ALDH1A3: variants seen among roughly 807,000 people sequenced by gnomAD.
ALDH1A3 encodes retinaldehyde dehydrogenase 3.
Under a neutral mutation model 57.5 loss-of-function variants are expected in ALDH1A3, and 28 were observed. The ratio of observed to expected loss-of-function variants is 0.49; its 90% CI spans 0.36 to 0.67. The LOEUF is 0.67. Among genes scored for constraint, ALDH1A3 ranks in the 30% least tolerant of loss-of-function variants. The pLI, the probability that ALDH1A3 is intolerant of heterozygous loss-of-function variation, is 0.00. For missense variants in ALDH1A3, 507 were observed against 669.4 expected (o/e 0.76, Z 2.68); for synonymous variants, 281 against 264.8 (o/e 1.06, Z -0.59).
chr15:100,892,323 C>G (rs1424693837), intron 3 of ALDH1A3, 187 bp from the exon 4 acceptor site: 4 of 727,386 alleles, frequency 5.5e-6, no homozygotes, highest in South Asian at 2.2e-5. Context: ...AAAAGCAATC[C>G]TCACACTCAG....
At position 100,907,192 on chromosome 15, in the gene ALDH1A3, C is replaced by T. The variant is rs775407053; in HGVS notation, c.1305C>T (p.Thr435=). ...AAGTGATAAAAAGAGCGAATAGCAC[C>T]GACTATGGACTCACAGCAGCCGTGT... ...IEEVIKRANS[T]DYGLTAAVFT... is the part of the protein sequence containing the mutation. The change falls in exon 11 of 13, where the codon ACC becomes ACT. Residue 435 remains threonine (T), a synonymous_variant. Coordinates refer to ENST00000329841, the MANE Select transcript of ALDH1A3 (RefSeq NM_000693.4). The T allele has an allele frequency of 5.6e-6, 9 of 1,614,046 alleles. No individual in the cohort carries two copies. The highest frequency in any genetic ancestry group is 2.2e-5 in the East Asian group (1 of 44,886).
chr15:100,905,400 T>A, intron 9 of ALDH1A3, 123 bp from the exon 10 acceptor site: 1 of 1,247,766 alleles, frequency 8.0e-7, no homozygotes, highest in Non-Finnish European at 1.1e-6. Flanking sequence ...GTTACATGGA[T>A]CATGGCTTGA....
In ALDH1A3 at chr15:100,900,666, G is replaced by A; in HGVS notation, c.975G>A (p.Gln325=). ...TAASRVFVEE[Q]VYSEFVRRSV... ...CCTCCAGGGTGTTCGTGGAGGAGCA[G>A]GTCTACTCTGAGTTTGTCAGGCGGA... Residue 325 remains glutamine (Q), a synonymous_variant, in exon 9 of 13, where the codon CAG becomes CAA. Transcript: ENST00000329841. The A allele has an allele frequency of 6.2e-7, 1 of 1,614,106 alleles. No individual in the cohort carries two copies. The highest frequency in any genetic ancestry group is 8.5e-7 in the Non-Finnish European group (1 of 1,180,014).
Position 100,914,840 on chromosome 15 carries a change from A to G in ALDH1A3, c.*67A>G, listed in dbSNP as rs1427348678. ...TGTGGCAGATGAAATGTGCTGGAGG[A>G]AAAAAATGACATTTCTGACCTTCCC... On this transcript the variant is annotated 3_prime_UTR_variant, in exon 13 of 13. Transcript: ENST00000329841. The G allele has an allele frequency of 4.7e-6, 7 of 1,481,814 alleles. No individual in the cohort carries two copies. Among genetic ancestry groups the G allele is most frequent in the East Asian group, 2.3e-5 (1 of 43,992 alleles). The allele number at this position is 1,481,814 out of a possible 1,614,324, so 91.8% of individuals were successfully genotyped here. A position where few individuals can be genotyped will look rare whatever the true frequency, so the allele number is the denominator to read the frequency against.
chr15:100,897,727 C>G (rs1301892609), intron 7 of ALDH1A3, among the ~76,000 whole-genome samples: 1 of 152,248 alleles, frequency 6.6e-6, no homozygotes, highest in Non-Finnish European at 1.5e-5. Flanking sequence ...GTCCCTGAAG[C>G]CCTTTACCAG....
At chr15:100,907,582 C>A (rs745525755) in intron 11 of ALDH1A3, among the ~76,000 whole-genome samples, 4 of 152,188 alleles carry the variant, frequency 2.6e-5, no homozygotes, top group Non-Finnish European at 2.9e-5. Context: ...GCCCCTCCAA[C>A]TTTATTTTCC....
At chr15:100,901,476 C>G (rs999509000) in intron 9 of ALDH1A3, among the ~76,000 whole-genome samples, 1 of 152,136 alleles carries the variant, frequency 6.6e-6, no homozygotes, top group Admixed American at 6.5e-5. Context: ...GTCACATGTC[C>G]GTGACTTACC....
chr15:100,901,790 G>A (rs2041771734), intron 9 of ALDH1A3, among the ~76,000 whole-genome samples: 1 of 152,238 alleles, frequency 6.6e-6, no homozygotes, highest in Admixed American at 6.5e-5. Flanking sequence ...ACATCAGGCT[G>A]TCCTGTGGGG....
chr15:100,898,147 G>A lies in ALDH1A3; in HGVS notation c.845G>A (p.Gly282Glu), dbSNP rs547918064. 9.3e-6 allele frequency: 15 copies of A among 1,614,076 alleles called. No individual in the cohort carries two copies. Among genetic ancestry groups the A allele is most frequent in the South Asian group, 3.3e-5 (3 of 91,070 alleles). Residue 282 changes from glycine (G) to glutamate (E), a missense_variant, in exon 8 of 13, where the codon GGG becomes GAG. Gly to Glu is a moderately conservative substitution (Grantham distance 98). Coordinates refer to ENST00000329841, the MANE Select transcript of ALDH1A3 (RefSeq NM_000693.4). ...CTGAAGCGGGTGACGCTGGAGCTGG[G>A]GGGGAAGAACCCCTGCATCGTGTGT... is the stretch of plus-strand genomic sequence containing the variant. ...SNLKRVTLEL[G>E]GKNPCIVCAD...
chr15:100,897,989 C>A, intron 7 of ALDH1A3, 94 bp from the exon 8 acceptor site: 2 of 1,222,228 alleles, frequency 1.6e-6, no homozygotes, highest in Non-Finnish European at 1.2e-6. Flanking sequence ...GTGGCACTGC[C>A]ACCCGGGCTT....
At chr15:100,891,213 C>T (rs371826137) in intron 3 of ALDH1A3, among the ~76,000 whole-genome samples, 3 of 152,176 alleles carry the variant, frequency 2.0e-5, no homozygotes, top group South Asian at 2.1e-4. Context: ...TAACGCTGGC[C>T]CTGTGAGGTA....
chr15:100,882,140 G>T (rs1223784480), intron 1 of ALDH1A3, among the ~76,000 whole-genome samples: 3 of 152,244 alleles, frequency 2.0e-5, no homozygotes, highest in African/African-American at 7.2e-5. Flanking sequence ...TTGACTCATG[G>T]TGCTTCTCGA....
intron 9 of ALDH1A3, 32 bp downstream of exon 9, chr15:100,900,791 G>A (rs1193188630): frequency 1.9e-6 from 3 of 1,604,512 alleles, no homozygotes; most frequent in Admixed American, 3.4e-5. Context: ...AAACCATGGT[G>A]CTTGTCTAGG....
In ALDH1A3 at chr15:100,892,490, A is replaced by T; in HGVS notation, c.346-20A>T. 2 of 1,608,598 alleles carry T rather than the reference A, an allele frequency of 1.2e-6. No homozygotes were observed. Among genetic ancestry groups the T allele is most frequent in the Non-Finnish European group, 1.7e-6 (2 of 1,178,828 alleles). The stretch of plus-strand genomic sequence containing the variant: ...GAAAAGCAAGCTATGTCCGAAACAG[A>T]CATCATCTTGTTATTGCAGGCCCTG... On this transcript the variant is annotated intron_variant, in intron 3 of 12. Coordinates refer to ENST00000329841, the MANE Select transcript of ALDH1A3 (RefSeq NM_000693.4).
chr15:100,902,234 C>T (rs947118768), intron 9 of ALDH1A3, among the ~76,000 whole-genome samples: 7 of 152,130 alleles, frequency 4.6e-5, no homozygotes, highest in South Asian at 2.1e-4. Flanking sequence ...CCAGATACAC[C>T]GATTTCTTCC....
rs3825925 is a variant in ALDH1A3 at position 100,905,237 on chromosome 15, A to G, written c.1069-286A>G. ...TGACCACTTCAGACCTGTGTCACTCATGGACTAACTTTGCTGCATGGAAAA... is the reference window on the plus strand; with the variant it reads ...TGACCACTTCAGACCTGTGTCACTCGTGGACTAACTTTGCTGCATGGAAAA... On this transcript the variant is annotated intron_variant, in intron 9 of 12. Transcript: ENST00000329841. 3.1e-3 allele frequency among the ~76,000 whole-genome samples: 475 copies of G among 152,354 alleles called. 18 individuals carry two copies. The East Asian group carries it at 0.075, about 24-fold the overall frequency.
At chr15:100,900,848 C>A in intron 9 of ALDH1A3, 89 bp downstream of exon 9, 2 of 1,436,694 alleles carry the variant, frequency 1.4e-6, no homozygotes, top group African/African-American at 1.4e-5. Context: ...GGTCCCTCTC[C>A]GTGAAAGGAA....
At chr15:100,897,164 G>T (rs948179254) in intron 7 of ALDH1A3, among the ~76,000 whole-genome samples, 1 of 152,362 alleles carries the variant, frequency 6.6e-6, no homozygotes, top group East Asian at 1.9e-4. Flanking sequence ...GACAGACACT[G>T]CCCTGTGGAT....
At chr15:100,905,469 G>A in intron 9 of ALDH1A3, 54 bp from the exon 10 acceptor site, 4 of 1,610,414 alleles carry the variant, frequency 2.5e-6, no homozygotes, top group Non-Finnish European at 3.4e-6. Flanking sequence ...AACATGAGAT[G>A]GCAGCCACTG....
Sources: allele counts gnomAD v4.1 joint callset (sites outside exome capture counted in the v4.1 genomes callset), GRCh38; gene constraint gnomAD v4.1.1; transcripts MANE v1.5; gene names NCBI Gene and HGNC (gene_info 2026-07-23, HGNC 2026-07-21).